Variants in ZSCAN23 observed in about 807,000 individuals in gnomAD.
ZSCAN23 encodes the protein zinc finger and SCAN domain containing 23, also known as zinc finger and SCAN domain-containing protein 23.
A neutral mutation model predicts 19.3 loss-of-function variants in ZSCAN23; 19 were observed. The observed-to-expected ratio is 0.99, with a 90% CI of 0.69 to 1.45. The LOEUF (loss-of-function observed/expected upper bound fraction) is 1.45. Ranked by LOEUF, ZSCAN23 falls within the 40% of genes most tolerant of loss-of-function variation. The probability of loss-of-function intolerance (pLI) is 0.00; values close to 1 mark genes in which losing one functional copy is unlikely to be tolerated. For missense variants in ZSCAN23, 372 were observed against 462.5 expected, an observed-to-expected ratio of 0.80 and a Z score of 1.79; for synonymous variants, 140 against 166.2, an observed-to-expected ratio of 0.84 and a Z score of 1.21.
At chr6:28,432,396 A>G (rs182552077), downstream of ZSCAN23, among the ~76,000 whole-genome samples, 4 of 152,314 alleles carry the variant, frequency 2.6e-5, no homozygotes, top group East Asian at 1.9e-4. Flanking sequence ...TTCAGGAAAT[A>G]TAAGTTTTTT....
intron 1 of ZSCAN23, among the ~76,000 whole-genome samples, chr6:28,443,029 T>C (rs1762034211): frequency 6.6e-6 from 1 of 152,248 alleles, no homozygotes; most frequent in Non-Finnish European, 1.5e-5. Flanking sequence ...AAACTATCCC[T>C]GCTCATTCTT....
At position 28,435,077 on chromosome 6, in the gene ZSCAN23, A is replaced by G. The variant is rs1034773777; in HGVS notation, c.558T>C (p.Asp186=). 1.3e-6 allele frequency: 2 copies of G among 1,524,072 alleles called. No individual in the cohort carries two copies. Among genetic ancestry groups the G allele is most frequent in the South Asian group, 2.5e-5 (2 of 81,186 alleles). The allele number at this position is 1,524,072 out of a possible 1,614,324, so 94.4% of individuals were successfully genotyped here. ...CCACATTCCAAGTCCCAGCCTTGCC[A>G]TCTAAAATAACGATAACATGAAAGA... ...LREVCPVQEI[D]GKAGTWNVEL... The change falls in exon 4 of 4, where the codon GAT becomes GAC. Residue 186 remains aspartate, a splice_region_variant and synonymous_variant. Transcript: ENST00000289788.
chr6:28,437,288 C>T (rs114427666), intron 1 of ZSCAN23, among the ~76,000 whole-genome samples: 86 of 152,242 alleles, frequency 5.6e-4, no homozygotes, highest in African/African-American at 1.9e-3. Flanking sequence ...CTCTTTGAAG[C>T]TACTTGAAGG....
At chr6:28,421,971 T>C in the ZSCAN23 span, among the ~76,000 whole-genome samples, 9 of 152,124 alleles carry the variant, frequency 5.9e-5, no homozygotes, top group Admixed American at 2.0e-4. Context: ...GGTATGAAAA[T>C]AGTATTATGT....
At chr6:28,421,797 C>T in the ZSCAN23 span, among the ~76,000 whole-genome samples, 1 of 151,976 alleles carries the variant, frequency 6.6e-6, no homozygotes, top group Non-Finnish European at 1.5e-5. Flanking sequence ...AGAGGGTACC[C>T]ATATATTAAA....
chr6:28,436,702 C>T (rs917172480), intron 1 of ZSCAN23, among the ~76,000 whole-genome samples: 1 of 151,582 alleles, frequency 6.6e-6, no homozygotes, highest in Non-Finnish European at 1.5e-5. Context: ...ACAGATGACA[C>T]CAAGAATCAA....
At chr6:28,442,646 G>A (rs1762024441) in intron 1 of ZSCAN23, among the ~76,000 whole-genome samples, 1 of 152,242 alleles carries the variant, frequency 6.6e-6, no homozygotes, top group Non-Finnish European at 1.5e-5. Context: ...GGTTATAGCT[G>A]TAAAGCTAAT....
downstream of ZSCAN23, among the ~76,000 whole-genome samples, chr6:28,430,177 T>A (rs545768506): frequency 1.5e-3 from 203 of 132,978 alleles, 2 homozygotes; most frequent in Middle Eastern, 0.015. Context: ...AGGTCCCGGG[T>A]CCTCCAGGGT....
intron 1 of ZSCAN23, among the ~76,000 whole-genome samples, chr6:28,436,963 A>G (rs1389347181): frequency 2.0e-5 from 3 of 152,202 alleles, no homozygotes; most frequent in African/African-American, 7.2e-5. Context: ...GGTCTCTTCA[A>G]TCTATAAAAC....
At position 28,434,413 on chromosome 6, in the gene ZSCAN23, G is replaced by A; in HGVS notation, c.*52C>T. The A allele has an allele frequency of 1.4e-6, 2 of 1,472,506 alleles. No homozygotes were observed. The highest frequency in any genetic ancestry group is 1.4e-5 in the South Asian group (1 of 71,058). The allele number at this position is 1,472,506 out of a possible 1,614,324, so 91.2% of individuals were successfully genotyped here. ...TTCCCTTGAACTTTTCTATGCTAGA[G>A]GACACAGCAGGGACAAAGTAAGAAA... On this transcript the variant is annotated 3_prime_UTR_variant, in exon 4 of 4. Transcript: ENST00000289788.
At chr6:28,428,152 T>C (rs1159777300), downstream of ZSCAN23, among the ~76,000 whole-genome samples, 3 of 152,222 alleles carry the variant, frequency 2.0e-5, no homozygotes, top group Admixed American at 6.5e-5. Flanking sequence ...ATCTCAACCA[T>C]TTGATGACAT....
intron 1 of ZSCAN23, among the ~76,000 whole-genome samples, chr6:28,441,100 C>A (rs1761990875): frequency 6.6e-6 from 1 of 152,220 alleles, no homozygotes; most frequent in African/African-American, 2.4e-5. Flanking sequence ...CCTAGAGCCT[C>A]AGCAAGCTGA....
the ZSCAN23 span, among the ~76,000 whole-genome samples, chr6:28,423,927 G>C: frequency 1.3e-5 from 2 of 152,078 alleles, no homozygotes; most frequent in Non-Finnish European, 2.9e-5. Context: ...TTAACTAAAA[G>C]ACATTTCAGT....
chr6:28,436,200 C>T lies in ZSCAN23; in HGVS notation c.67G>A (p.Glu23Lys), dbSNP rs373354080. 89 of 1,553,652 alleles carry T rather than the reference C, an allele frequency of 5.7e-5. No individual in the cohort carries two copies. The African/African-American group carries it at 1.1e-3, about 19-fold the overall frequency. ...CCACAGGAATGTTCCTCCTCTTCCT[C>T]CTTTACCTTCACTGCCAGAAGTCCT... is the stretch of plus-strand genomic sequence containing the variant. Reference protein sequence around the residue: ...QEGLLAVKVKEEEEEHSCGPE... With the variant: ...QEGLLAVKVKKEEEEHSCGPE... The change falls in exon 2 of 4, where the codon GAG becomes AAG. Residue 23 changes from glutamate (E) to lysine (K), a missense_variant. By Grantham distance (56) the Glu-to-Lys change is moderately conservative. Coordinates refer to ENST00000289788, the MANE Select transcript of ZSCAN23 (RefSeq NM_001012455.2).
In ZSCAN23 at chr6:28,434,388, T is replaced by C; in HGVS notation, c.*77A>G. 7.0e-7 allele frequency: 1 copy of C among 1,437,850 alleles called. No individual in the cohort carries two copies. Among genetic ancestry groups the C allele is most frequent in the Non-Finnish European group, 9.2e-7 (1 of 1,088,492 alleles). The allele number at this position is 1,437,850 out of a possible 1,614,324, so 89.1% of individuals were successfully genotyped here. The stretch of plus-strand genomic sequence containing the variant: ...AAAAGTAAGGGAATTTTTACTGGCT[T>C]TCCCTTGAACTTTTCTATGCTAGAG... On this transcript the variant is annotated 3_prime_UTR_variant, in exon 4 of 4. Transcript: ENST00000289788.
chr6:28,437,043 A>G (rs373366143), intron 1 of ZSCAN23, among the ~76,000 whole-genome samples: 1 of 152,228 alleles, frequency 6.6e-6, no homozygotes, highest in East Asian at 1.9e-4. Flanking sequence ...TAATGAGCAC[A>G]AAGAAGTTGG....
chr6:28,434,753 C>G lies in ZSCAN23; in HGVS notation c.882G>C (p.Gln294His). ...RAFSQRSGLF[Q>H]HQRLHTGEKR... The stretch of plus-strand genomic sequence containing the variant: ...TCTCCCCAGTGTGGAGTCTCTGGTG[C>G]TGGAATAGGCCTGACCTCTGGCTGA... The change falls in exon 4 of 4, where the codon CAG becomes CAC. Residue 294 changes from glutamine to histidine, a missense_variant. Transcript: ENST00000289788. 1.2e-6 allele frequency: 2 copies of G among 1,602,622 alleles called. No homozygotes were observed. The highest frequency in any genetic ancestry group is 1.7e-6 in the Non-Finnish European group (2 of 1,174,320).
chr6:28,430,827 C>T (rs1245569880), downstream of ZSCAN23, among the ~76,000 whole-genome samples: 3 of 152,296 alleles, frequency 2.0e-5, no homozygotes, highest in Non-Finnish European at 4.4e-5. Flanking sequence ...TATGAAACTA[C>T]TTGGTACAAT....
chr6:28,425,207 G>A, the ZSCAN23 span, among the ~76,000 whole-genome samples: 3 of 152,288 alleles, frequency 2.0e-5, no homozygotes, highest in East Asian at 3.9e-4. Flanking sequence ...TGAGCAGTAG[G>A]TCTCAACAGT....
Sources: allele counts gnomAD v4.1 joint callset (sites outside exome capture counted in the v4.1 genomes callset), GRCh38; gene constraint gnomAD v4.1.1; transcripts MANE v1.5; gene names NCBI Gene and HGNC (gene_info 2026-07-23, HGNC 2026-07-21).